Variants in UVRAG observed in about 807,000 individuals in gnomAD.
The protein encoded by UVRAG is UV radiation resistance-associated gene protein.
UVRAG carries 19 observed loss-of-function variants against 78.0 expected under a neutral mutation model. The ratio of observed to expected loss-of-function variants is 0.24; its 90% confidence interval spans 0.17 to 0.36. The LOEUF (loss-of-function observed/expected upper bound fraction) is 0.36. Ranked by LOEUF, UVRAG falls within the 10% of genes least tolerant of loss-of-function variation. The probability of loss-of-function intolerance (pLI) is 1.00; values close to 1 mark genes in which losing one functional copy is unlikely to be tolerated. For missense variants in UVRAG, 740 were observed against 853.8 expected (o/e 0.87, Z 1.66); for synonymous variants, 323 against 324.6 (o/e 1.00, Z 0.05).
At chr11:76,040,230 A>G (rs1253563495) in intron 12 of UVRAG, among the ~76,000 whole-genome samples, 1 of 152,052 alleles carries the variant, frequency 6.6e-6, no homozygotes, top group African/African-American at 2.4e-5. Context: ...AAGAAGTAGA[A>G]GAAGCGGCCG....
At chr11:75,884,833 C>G (rs936694336) in intron 4 of UVRAG, among the ~76,000 whole-genome samples, 2 of 152,010 alleles carry the variant, frequency 1.3e-5, no homozygotes, top group Non-Finnish European at 2.9e-5. Context: ...AGTTCTTCAA[C>G]TTTGTTCTTT....
chr11:75,899,318 T>G (rs528397104), intron 5 of UVRAG, among the ~76,000 whole-genome samples: 2 of 152,288 alleles, frequency 1.3e-5, no homozygotes, highest in African/African-American at 4.8e-5. Context: ...TATTTTATTT[T>G]TAAATATTTC....
intron 1 of UVRAG, among the ~76,000 whole-genome samples, chr11:75,832,801 A>G (rs1346691177): frequency 6.6e-6 from 1 of 152,206 alleles, no homozygotes; most frequent in South Asian, 2.1e-4. Flanking sequence ...TCTCATTAGC[A>G]TGCAAAAGAC....
chr11:75,848,371 T>A (rs1946081122), intron 1 of UVRAG, among the ~76,000 whole-genome samples: 1 of 152,174 alleles, frequency 6.6e-6, no homozygotes, highest in Non-Finnish European at 1.5e-5. Context: ...TTATAGTTGG[T>A]CAGTTTATGG....
In UVRAG at chr11:75,815,394, GC is replaced by G; in HGVS notation, c.-10del. On this transcript the variant is annotated 5_prime_UTR_variant, in exon 1 of 15. Coordinates refer to ENST00000356136, the MANE Select transcript of UVRAG (RefSeq NM_003369.4). ...AGAGTGCCCGCCCCGCCGCTTGGCG[GC>G]CCCTGGATCGAGATGAGCGCCTCCG... 2 of 1,222,764 alleles carry G rather than the reference GC, an allele frequency of 1.6e-6. No individual in the cohort carries two copies. The highest frequency in any genetic ancestry group is 3.4e-5 in the South Asian group (1 of 29,436). 75.7% of individuals were successfully genotyped at this position (1,222,764 alleles called of 1,614,324 possible). A position where few individuals can be genotyped will look rare whatever the true frequency, so the allele number is the denominator to read the frequency against.
intron 14 of UVRAG, among the ~76,000 whole-genome samples, chr11:76,136,170 A>G (rs1952594166): frequency 6.6e-6 from 1 of 152,188 alleles, no homozygotes; most frequent in African/African-American, 2.4e-5. Flanking sequence ...AAGAGTAGAG[A>G]TAAAAATACT....
At chr11:75,956,799 C>A (rs764392274) in intron 6 of UVRAG, among the ~76,000 whole-genome samples, 24 of 152,128 alleles carry the variant, frequency 1.6e-4, no homozygotes, top group Non-Finnish European at 2.8e-4. Context: ...AATGGCACCT[C>A]ATTATGATTT....
intron 8 of UVRAG, among the ~76,000 whole-genome samples, chr11:75,988,597 C>G (rs1328072041): frequency 1.3e-5 from 2 of 152,168 alleles, no homozygotes; most frequent in African/African-American, 4.8e-5. Flanking sequence ...TGGGTATATT[C>G]TCTTGGTTAA....
At chr11:75,854,843 AT>A (rs1946251532) in intron 2 of UVRAG, among the ~76,000 whole-genome samples, 1 of 152,224 alleles carries the variant, frequency 6.6e-6, no homozygotes, top group African/African-American at 2.4e-5. Context: ...GCCTTAAAAC[AT>A]TTAGTCTACT....
intron 8 of UVRAG, among the ~76,000 whole-genome samples, chr11:75,993,436 G>T (rs1027682326): frequency 6.6e-6 from 1 of 152,116 alleles, no homozygotes; most frequent in Admixed American, 6.6e-5. Context: ...ATGTTTATTA[G>T]TGTATATATT....
chr11:75,973,682 T>A (rs1391974543), intron 7 of UVRAG, among the ~76,000 whole-genome samples: 2 of 152,202 alleles, frequency 1.3e-5, no homozygotes, highest in African/African-American at 4.8e-5. Context: ...ACATTAGGTA[T>A]ATCTCCTAAT....
Position 76,110,211 on chromosome 11 carries a change from C to CATATATATAT in UVRAG, c.1306-5702_1306-5693dup, listed in dbSNP as rs10526191. On this transcript the variant is annotated intron_variant, in intron 13 of 14. Transcript: ENST00000356136. ...GTGGAGAATATATATATATCTGGTA[C>CATATATATAT]ATATATATATATATATATATGTATT... Among the ~76,000 whole-genome samples the CATATATATAT allele has an allele frequency of 5.7e-3, 774 of 136,652 alleles. 15 individuals carry two copies. The highest frequency in any genetic ancestry group is 0.022 in the African/African-American group (738 of 33,686). The allele number at this position is 136,652 out of a possible 152,430, so 89.6% of individuals were successfully genotyped here. A position where few individuals can be genotyped will look rare whatever the true frequency, so the allele number is the denominator to read the frequency against.
chr11:75,900,104 T>C (rs552446349), intron 5 of UVRAG, among the ~76,000 whole-genome samples: 1 of 152,330 alleles, frequency 6.6e-6, no homozygotes, highest in South Asian at 2.1e-4. Context: ...ATTTTTGAGC[T>C]TTTGAGAACT....
At chr11:76,138,401 C>T (rs549746287) in intron 14 of UVRAG, among the ~76,000 whole-genome samples, 5 of 152,158 alleles carry the variant, frequency 3.3e-5, no homozygotes, top group African/African-American at 7.2e-5. Flanking sequence ...TATTGACAGT[C>T]GGGAAAATGG....
chr11:76,114,109 T>C (rs980527960), intron 13 of UVRAG, among the ~76,000 whole-genome samples: 1 of 152,134 alleles, frequency 6.6e-6, no homozygotes, highest in Non-Finnish European at 1.5e-5. Flanking sequence ...TTTTTCGGTA[T>C]GAATCACAGG....
At chr11:75,816,118 G>A (rs1384339701) in intron 1 of UVRAG, among the ~76,000 whole-genome samples, 1 of 152,168 alleles carries the variant, frequency 6.6e-6, no homozygotes, top group Non-Finnish European at 1.5e-5. Flanking sequence ...CCCAAGGAAC[G>A]CATCTTAATA....
intron 6 of UVRAG, among the ~76,000 whole-genome samples, chr11:75,961,186 C>T (rs1203219670): frequency 6.6e-6 from 1 of 152,084 alleles, no homozygotes; most frequent in African/African-American, 2.4e-5. Flanking sequence ...GGGCTCTTCC[C>T]AACTCCTTTG....
At chr11:76,065,549 A>C (rs548501342) in intron 12 of UVRAG, among the ~76,000 whole-genome samples, 161 bp from the exon 13 acceptor site, 1 of 152,318 alleles carries the variant, frequency 6.6e-6, no homozygotes, top group African/African-American at 2.4e-5. Context: ...GACTTAATTA[A>C]TATTATGAAG....
At chr11:76,026,375 A>G (rs1345848406) in intron 12 of UVRAG, among the ~76,000 whole-genome samples, 2 of 152,126 alleles carry the variant, frequency 1.3e-5, no homozygotes, top group Non-Finnish European at 2.9e-5. Flanking sequence ...TCCTATAAAA[A>G]TTCTCAGCTT....
Sources: gnomAD v4.1 joint callset for allele counts (sites outside exome capture counted in the v4.1 genomes callset) on GRCh38, gnomAD v4.1.1 for gene constraint, MANE v1.5 for transcripts, NCBI Gene and HGNC (gene_info 2026-07-23, HGNC 2026-07-21) for gene names.